Variants in FAM98B observed in about 807,000 individuals in gnomAD.
FAM98B encodes the protein tRNA-splicing ligase complex subunit FAM98B.
FAM98B carries 32 observed loss-of-function variants against 43.9 expected under a neutral mutation model. That is an observed-to-expected ratio of 0.73 (90% CI 0.55 to 0.98). The LOEUF (loss-of-function observed/expected upper bound fraction) is 0.98. FAM98B is among the 50% of genes least tolerant of loss of function. The pLI, the probability that FAM98B is intolerant of heterozygous loss-of-function variation, is 0.00. For missense variants in FAM98B, 514 were observed against 522.9 expected, an observed-to-expected ratio of 0.98 and a Z score of 0.17; for synonymous variants, 190 against 174.0, an observed-to-expected ratio of 1.09 and a Z score of -0.72.
At chr15:38,473,397 C>A in intron 4 of FAM98B, 108 bp from the exon 5 acceptor site, 1 of 703,252 alleles carries the variant, frequency 1.4e-6, no homozygotes, top group Non-Finnish European at 2.3e-6. Context: ...TTAATTATGT[C>A]ACTTTAATAT....
intron 6 of FAM98B, among the ~76,000 whole-genome samples, chr15:38,476,670 A>G (rs1378961891): frequency 2.8e-5 from 4 of 144,230 alleles, no homozygotes; most frequent in Non-Finnish European, 6.1e-5. Flanking sequence ...ATATTTTGGT[A>G]TGCTATCATC....
chr15:38,460,215 T>A (rs577947850), intron 1 of FAM98B, among the ~76,000 whole-genome samples: 1 of 152,300 alleles, frequency 6.6e-6, no homozygotes, highest in South Asian at 2.1e-4. Context: ...GATGAATAAC[T>A]AAGAATATAT....
intron 6 of FAM98B, among the ~76,000 whole-genome samples, chr15:38,478,822 T>C (rs750025715): frequency 4.5e-4 from 69 of 152,226 alleles, no homozygotes; most frequent in Non-Finnish European, 8.1e-4. Context: ...ATTGAGATAA[T>C]ATTGTGAATG....
intron 6 of FAM98B, among the ~76,000 whole-genome samples, chr15:38,477,523 G>A (rs964143011): frequency 6.6e-6 from 1 of 152,084 alleles, no homozygotes; most frequent in African/African-American, 2.4e-5. Flanking sequence ...CCTCCCTCGT[G>A]TGTTTTACAT....
At chr15:38,454,446 C>A (rs569028578) in intron 1 of FAM98B, among the ~76,000 whole-genome samples, 1 of 152,220 alleles carries the variant, frequency 6.6e-6, no homozygotes, top group Non-Finnish European at 1.5e-5. Context: ...GGGTTCGTGG[C>A]CCCCTCTTCG....
intron 7 of FAM98B, chr15:38,481,761 C>A: frequency 1.3e-6 from 1 of 775,276 alleles, no homozygotes; most frequent in Non-Finnish European, 2.0e-6. Flanking sequence ...CAGTAAGAAT[C>A]TTTCGGAATT....
chr15:38,474,067 G>A (rs2141058894), intron 5 of FAM98B, 115 bp from the exon 6 acceptor site: 1 of 660,020 alleles, frequency 1.5e-6, no homozygotes. Flanking sequence ...ACAGAAAATG[G>A]TCAGTAAGTA....
chr15:38,455,064 C>G (rs1043566285), intron 1 of FAM98B, among the ~76,000 whole-genome samples: 7 of 152,188 alleles, frequency 4.6e-5, no homozygotes, highest in Admixed American at 3.3e-4. Flanking sequence ...CTCTTGAACT[C>G]TGCTTCTCCC....
At chr15:38,479,570 C>T (rs1266118489) in intron 6 of FAM98B, among the ~76,000 whole-genome samples, 1 of 152,192 alleles carries the variant, frequency 6.6e-6, no homozygotes, top group East Asian at 1.9e-4. Context: ...TAGCATGTAA[C>T]AGTACTAAAT....
rs1890277432 is a variant in FAM98B at position 38,481,153 on chromosome 15, A to G, written c.730-139A>G. On this transcript the variant is annotated intron_variant, in intron 6 of 7. Transcript: ENST00000397609. ...TTCTAAATTATTCATAAATTCTCAG[A>G]TATTTGGGTGTTTTTGCTCTTTTCT... is the stretch of plus-strand genomic sequence containing the variant. 3 of 624,998 alleles carry G rather than the reference A, an allele frequency of 4.8e-6. No individual in the cohort carries two copies. The South Asian group carries it at 7.3e-5, about 15-fold the overall frequency. 38.7% of individuals were successfully genotyped at this position (624,998 alleles called of 1,614,324 possible).
intron 3 of FAM98B, 28 bp from the exon 4 acceptor site, chr15:38,470,199 A>G (rs1237922520): frequency 7.5e-7 from 1 of 1,339,582 alleles, no homozygotes; most frequent in South Asian, 1.6e-5. Context: ...TACATGTATT[A>G]ACATTATTTA....
In FAM98B at chr15:38,465,413, C is replaced by G; in HGVS notation, c.352+10C>G. 6.4e-7 allele frequency: 1 copy of G among 1,570,800 alleles called. No individual in the cohort carries two copies. Among genetic ancestry groups the G allele is most frequent in the Non-Finnish European group, 8.6e-7 (1 of 1,161,844 alleles). ...TGTTTGAAACTTCTATGTAAGTTAT[C>G]TTGAACATTTAAATGCATGTGTTTG... On this transcript the variant is annotated intron_variant, in intron 3 of 7. Transcript: ENST00000397609.
Position 38,458,755 on chromosome 15 carries a change from G to A in FAM98B, c.71+4523G>A, listed in dbSNP as rs1298605042. 5 of 347,350 alleles carry A rather than the reference G, an allele frequency of 1.4e-5. No individual in the cohort carries two copies. In the East Asian group the frequency reaches 3.0e-4, roughly 21 times the overall value. The allele number at this position is 347,350 out of a possible 1,614,324, so 21.5% of individuals were successfully genotyped here. A position where few individuals can be genotyped will look rare whatever the true frequency, so the allele number is the denominator to read the frequency against. ...ACTGCTTGGAAGCAGGGAAGGCTAA[G>A]AGGCCTGCCCCTACCCAAGGCTGGT... On this transcript the variant is annotated intron_variant, in intron 1 of 7. Coordinates refer to ENST00000397609, the MANE Select transcript of FAM98B (RefSeq NM_173611.4).
At chr15:38,472,588 C>T (rs1366165470) in intron 4 of FAM98B, among the ~76,000 whole-genome samples, 1 of 151,956 alleles carries the variant, frequency 6.6e-6, no homozygotes, top group Non-Finnish European at 1.5e-5. Context: ...CAGAGTTAAA[C>T]AACCATCACC....
intron 3 of FAM98B, among the ~76,000 whole-genome samples, chr15:38,468,786 C>A (rs890749464): frequency 1.3e-5 from 2 of 152,152 alleles, no homozygotes; most frequent in African/African-American, 4.8e-5. Context: ...GAGGATGGGA[C>A]CCTGGCACCT....
chr15:38,472,086 C>CAGGT (rs1449295366), intron 4 of FAM98B, among the ~76,000 whole-genome samples: 1 of 152,088 alleles, frequency 6.6e-6, no homozygotes, highest in Admixed American at 6.5e-5. Context: ...GGTTTAAACC[C>CAGGT]AGGTAGTCAA....
intron 6 of FAM98B, among the ~76,000 whole-genome samples, chr15:38,476,852 A>G (rs1595802922): frequency 6.6e-6 from 1 of 152,040 alleles, no homozygotes; most frequent in Admixed American, 6.6e-5. Flanking sequence ...CTGGCTGGCC[A>G]TGGTATTGTG....
chr15:38,459,309 A>T, intron 1 of FAM98B: 1 of 495,510 alleles, frequency 2.0e-6, no homozygotes, highest in Non-Finnish European at 4.0e-6. Flanking sequence ...TAAAACTGGT[A>T]CTGGAGACAC....
Position 38,467,837 on chromosome 15 carries a change from A to T in FAM98B, c.353-2390A>T, listed in dbSNP as rs143392316. On this transcript the variant is annotated intron_variant, in intron 3 of 7. Transcript: ENST00000397609. ...TAATAGGAAGAATGCAGATAAATCA[A>T]ATGTGCTGATGTGGAATGATCTCTA... Among the ~76,000 whole-genome samples the T allele has an allele frequency of 5.9e-3, 906 of 152,352 alleles. 4 individuals are homozygous for T. The highest frequency in any genetic ancestry group is 0.01 in the Non-Finnish European group (682 of 68,032).
Sources: allele counts gnomAD v4.1 joint callset (sites outside exome capture counted in the v4.1 genomes callset), GRCh38; gene constraint gnomAD v4.1.1; transcripts MANE v1.5; gene names NCBI Gene and HGNC (gene_info 2026-07-23, HGNC 2026-07-21).